The following ASXL1 variants were observed in gnomAD, a reference collection of about 807,000 sequenced individuals.
The protein encoded by ASXL1 is ASXL transcriptional regulator 1, also known as polycomb group protein ASXL1.
Under a neutral mutation model 89.1 loss-of-function variants are expected in ASXL1, and 65 were observed. The ratio of observed to expected loss-of-function variants is 0.73; its 90% CI spans 0.60 to 0.90. The LOEUF (loss-of-function observed/expected upper bound fraction) is 0.90, where lower values mean the gene tolerates loss of function less well. ASXL1 is among the 40% of genes least tolerant of loss of function. The pLI is 0.00. For missense variants in ASXL1, 1,786 were observed against 1,942.9 expected, an observed-to-expected ratio of 0.92 and a Z score of 1.52; for synonymous variants, 739 against 746.9, an observed-to-expected ratio of 0.99 and a Z score of 0.17.
intron 3 of ASXL1, 94 bp from the exon 4 acceptor site, chr20:32,368,921 G>A (rs2048249273): frequency 9.8e-7 from 1 of 1,015,400 alleles, no homozygotes; most frequent in Admixed American, 2.3e-5. Context: ...TTCTTGCTTA[G>A]CTTCTTCTCA....
chr20:32,412,671 C>T (rs1047439030), intron 4 of ASXL1, among the ~76,000 whole-genome samples: 3 of 148,768 alleles, frequency 2.0e-5, no homozygotes, highest in East Asian at 3.9e-4. Flanking sequence ...TCGTAGCTCA[C>T]GTCAGCCTCC....
intron 4 of ASXL1, among the ~76,000 whole-genome samples, chr20:32,424,581 C>G (rs2011220802): frequency 6.6e-6 from 1 of 152,078 alleles, no homozygotes; most frequent in South Asian, 2.1e-4. Context: ...TGGTGGCCAA[C>G]AGCTTAGTAA....
chr20:32,366,681 TC>T (rs1050641855), intron 2 of ASXL1: 1 of 607,006 alleles, frequency 1.6e-6, no homozygotes, highest in Non-Finnish European at 2.1e-6. Flanking sequence ...GCAGTGGCTT[TC>T]CCCATCTCCT....
At position 32,433,905 on chromosome 20, in the gene ASXL1, C is replaced by G. The variant is rs1280630387; in HGVS notation, c.1707C>G (p.Val569=). ...KPQPTKEEPK[V]PPIRIQLSRI... ...AGCCCACTAAAGAGGAGCCCAAAGT[C>G]CCGCCCATCCGGGTAGGAGACTGTT... is the stretch of plus-strand genomic sequence containing the variant. The change falls in exon 12 of 13, where the codon GTC becomes GTG. Residue 569 remains valine (V), a synonymous_variant. Transcript: ENST00000375687. 5.0e-6 allele frequency: 8 copies of G among 1,612,884 alleles called. No individual in the cohort carries two copies. Among genetic ancestry groups the G allele is most frequent in the Non-Finnish European group, 6.8e-6 (8 of 1,180,030 alleles).
chr20:32,401,804 C>T (rs944725202), intron 4 of ASXL1, among the ~76,000 whole-genome samples: 2 of 152,152 alleles, frequency 1.3e-5, no homozygotes, highest in Admixed American at 6.5e-5. Flanking sequence ...GATCCACCCA[C>T]CTTAGCCTCC....
intron 1 of ASXL1, among the ~76,000 whole-genome samples, chr20:32,363,296 C>CT (rs1377642458): frequency 6.6e-6 from 1 of 152,130 alleles, no homozygotes; most frequent in Non-Finnish European, 1.5e-5. Flanking sequence ...GCCAGCTCAG[C>CT]TTTCATTTAA....
intron 4 of ASXL1, among the ~76,000 whole-genome samples, chr20:32,397,791 C>T (rs945208807): frequency 3.9e-5 from 6 of 152,232 alleles, no homozygotes; most frequent in African/African-American, 1.4e-4. Context: ...CTGTCCTGGG[C>T]TGTGTGCGAC....
In ASXL1 at chr20:32,425,334, A is replaced by T. The variant is rs954610545; in HGVS notation, c.253-2794A>T. ...AACATGTGGGTTGTGATTTGTGTAGATGTGCATGTACTTCTCTAAGGAATC... is the reference window on the plus strand; with the variant it reads ...AACATGTGGGTTGTGATTTGTGTAGTTGTGCATGTACTTCTCTAAGGAATC... On this transcript the variant is annotated intron_variant, in intron 4 of 12. Coordinates refer to ENST00000375687, the MANE Select transcript of ASXL1 (RefSeq NM_015338.6). Among the ~76,000 whole-genome samples, 7 of 152,208 alleles carry T rather than the reference A, an allele frequency of 4.6e-5. No individual in the cohort carries two copies. In the East Asian group the frequency reaches 1.2e-3, roughly 25 times the overall value.
At chr20:32,398,592 TTTTTTTGTTTG>T (rs2048809106) in intron 4 of ASXL1, among the ~76,000 whole-genome samples, 5 of 139,306 alleles carry the variant, frequency 3.6e-5, no homozygotes, top group African/African-American at 1.4e-4. Context: ...CTGGTTTTGT[TTTTTTTGTTTG>T]TTTTTTTTTT....
intron 4 of ASXL1, among the ~76,000 whole-genome samples, chr20:32,373,175 A>G (rs997329390): frequency 4.7e-5 from 7 of 148,710 alleles, no homozygotes; most frequent in East Asian, 2.1e-4. Context: ...TCAGGAGTTC[A>G]AGACCAGCCT....
intron 1 of ASXL1, chr20:32,359,760 A>AT (rs756234325): frequency 1.4e-6 from 1 of 718,086 alleles, no homozygotes. Context: ...GGGGTTGTGA[A>AT]TTTTGTGTTC....
In ASXL1 at chr20:32,435,094, T is replaced by C; in HGVS notation, c.2382T>C (p.Thr794=). 1 of 1,613,996 alleles carries C rather than the reference T, an allele frequency of 6.2e-7. No individual in the cohort carries two copies. The highest frequency in any genetic ancestry group is 8.5e-7 in the Non-Finnish European group (1 of 1,180,020). The change falls in exon 13 of 13, where the codon ACT becomes ACC. Residue 794 remains threonine (T), a synonymous_variant. Transcript: ENST00000375687. ...DVRTECESGT[T]SWESDDEEQG... ...GAACTGAATGTGAGTCTGGCACCAC[T>C]TCCTGGGAAAGTGATGATGAGGAGC...
In ASXL1 at chr20:32,433,713, C is replaced by T. The variant is rs2123265583; in HGVS notation, c.1515C>T (p.Asp505=). 6.2e-7 allele frequency: 1 copy of T among 1,612,958 alleles called. No homozygotes were observed. Among genetic ancestry groups the T allele is most frequent in the Non-Finnish European group, 8.5e-7 (1 of 1,179,128 alleles). ...TGGCACGTGCCTCTGCATCTCCAGA[C>T]AGAATTCCTAGCCTGCCTCAGGAAA... is the stretch of plus-strand genomic sequence containing the variant. ...DNLARASASP[D]RIPSLPQETV... is the part of the protein sequence containing the mutation. Residue 505 remains aspartate (D), a synonymous_variant, in exon 12 of 13, where the codon GAC becomes GAT. Coordinates refer to ENST00000375687, the MANE Select transcript of ASXL1 (RefSeq NM_015338.6).
At chr20:32,425,870 A>G (rs1438015504) in intron 4 of ASXL1, among the ~76,000 whole-genome samples, 1 of 152,026 alleles carries the variant, frequency 6.6e-6, no homozygotes, top group Non-Finnish European at 1.5e-5. Context: ...ACGCCCAGCT[A>G]ATTTTTGTAT....
chr20:32,428,476 C>CAAGAT, intron 6 of ASXL1, 54 bp downstream of exon 6: 2 of 1,470,486 alleles, frequency 1.4e-6, no homozygotes, highest in South Asian at 2.3e-5. Flanking sequence ...AGGTATAAGG[C>CAAGAT]AAGATCCCTC....
Position 32,437,405 on chromosome 20 carries a change from CTG to C in ASXL1, c.*69_*70del. 6.3e-7 allele frequency: 1 copy of C among 1,582,978 alleles called. No individual in the cohort carries two copies. The stretch of plus-strand genomic sequence containing the variant: ...ATTTTGATAATGATTGATCTTAAAT[CTG>C]TATACAGAATATCATTGATATAATA... On this transcript the variant is annotated 3_prime_UTR_variant, in exon 13 of 13. Coordinates refer to ENST00000375687, the MANE Select transcript of ASXL1 (RefSeq NM_015338.6).
chr20:32,431,701 G>A (rs774309387), intron 10 of ASXL1, 22 bp downstream of exon 10: 15 of 1,610,012 alleles, frequency 9.3e-6, no homozygotes, highest in East Asian at 4.5e-5. Flanking sequence ...TGGTCATCTC[G>A]GACGGCTTGC....
At chr20:32,361,583 A>G (rs187212249) in intron 1 of ASXL1, among the ~76,000 whole-genome samples, 113 of 81,162 alleles carry the variant, frequency 1.4e-3, no homozygotes, top group African/African-American at 4.3e-3. Context: ...GGTTGCAGAG[A>G]GCCAAGGCCA....
rs1476930108 is a variant in ASXL1, at chr20:32,429,634, C to T, written c.565+203C>T. On this transcript the variant is annotated intron_variant, in intron 7 of 12. Transcript: ENST00000375687. This position sits in a 1 kb window ranked among gnomAD's most constrained non-coding sequence, Gnocchi z 4.9. The stretch of plus-strand genomic sequence containing the variant: ...CTTCCTCTTTGTCTCCCAGGGCAGT[C>T]GTGAGGATCCAACGGAGGATTTGAT... 2.8e-6 allele frequency: 2 copies of T among 713,442 alleles called. No individual in the cohort carries two copies. Among genetic ancestry groups the T allele is most frequent in the Middle Eastern group, 3.9e-4 (1 of 2,566 alleles). 44.2% of individuals were successfully genotyped at this position (713,442 alleles called of 1,614,324 possible).
Sources: gnomAD v4.1 joint callset for allele counts (sites outside exome capture counted in the v4.1 genomes callset) on GRCh38, gnomAD v4.1.1 for gene constraint, Gnocchi (gnomAD v3.1) non-coding constraint, MANE v1.5 for transcripts, NCBI Gene and HGNC (gene_info 2026-07-23, HGNC 2026-07-21) for gene names.